KAT14: variants seen among roughly 807,000 people sequenced by gnomAD.
KAT14 encodes the protein cysteine-rich protein 2-binding protein.
In KAT14, 66 loss-of-function variants were observed where a neutral mutation model predicts 78.4. The observed-to-expected ratio is 0.84, with a 90% CI of 0.69 to 1.03. KAT14 has a LOEUF of 1.03. Ranked by LOEUF, KAT14 falls within the 50% of genes least tolerant of loss-of-function variation. KAT14 has a pLI of 0.00. For synonymous variants in KAT14, 344 were observed against 359.4 expected, an observed-to-expected ratio of 0.96 and a Z score of 0.48; for missense variants, 870 against 972.5, an observed-to-expected ratio of 0.89 and a Z score of 1.40.
rs186863964 is a variant in KAT14, at chr20:18,141,551, C to T, written c.-453-657C>T. ...AGTTTAGAGTGTTACTGTAGTAACT[C>T]GCCAAGTTTTTAAAGCATTACATAT... On this transcript the variant is annotated intron_variant, in intron 1 of 10. Transcript: ENST00000688188. Among the ~76,000 whole-genome samples the T allele has an allele frequency of 2.3e-3, 348 of 152,198 alleles. 3 individuals carry two copies. Among genetic ancestry groups the T allele is most frequent in the Non-Finnish European group, 2.4e-3 (164 of 68,012 alleles).
At chr20:18,184,113 A>T (rs960485867) in intron 9 of KAT14, among the ~76,000 whole-genome samples, 1 of 152,236 alleles carries the variant, frequency 6.6e-6, no homozygotes, top group Non-Finnish European at 1.5e-5. Flanking sequence ...GCACAGAAGC[A>T]TATTTTACTT....
intron 2 of KAT14, among the ~76,000 whole-genome samples, chr20:18,144,652 T>C (rs1343660007): frequency 6.6e-6 from 1 of 152,230 alleles, no homozygotes; most frequent in Non-Finnish European, 1.5e-5. Flanking sequence ...CCTGAGGGAC[T>C]AAGAAATGTA....
chr20:18,142,569 C>T lies in KAT14; in HGVS notation c.-92C>T, dbSNP rs1600214263. ...GCAGACACTTTTTGGAAGAGTCTGT[C>T]TGGGTGATCCTGGTAGAAGCCCCAT... is the stretch of plus-strand genomic sequence containing the variant. On this transcript the variant is annotated 5_prime_UTR_variant, in exon 2 of 11. Coordinates refer to ENST00000688188, the MANE Select transcript of KAT14 (RefSeq NM_001392073.1). 12 of 1,554,102 alleles carry T rather than the reference C, an allele frequency of 7.7e-6. No individual in the cohort carries two copies. Among genetic ancestry groups the T allele is most frequent in the East Asian group, 2.3e-5 (1 of 43,964 alleles).
intron 7 of KAT14, among the ~76,000 whole-genome samples, chr20:18,172,202 A>G (rs1254437329): frequency 6.6e-6 from 1 of 150,650 alleles, no homozygotes; most frequent in African/African-American, 2.5e-5. Flanking sequence ...CCTGGGTTCA[A>G]GCGATTCTTC....
At chr20:18,139,224 TA>T (rs1161547273) in intron 1 of KAT14, among the ~76,000 whole-genome samples, 2 of 152,208 alleles carry the variant, frequency 1.3e-5, no homozygotes, top group African/African-American at 2.4e-5. Flanking sequence ...GATTTGGGAT[TA>T]AAATGTGCTC....
Position 18,183,078 on chromosome 20 carries a change from G to A in KAT14, c.1806-45G>A. ...GTCAAAAAGCTAGGAATAATACCAG[G>A]TATTTTTCTTGACTTGAATTTGTTT... On this transcript the variant is annotated intron_variant, in intron 8 of 10. Coordinates refer to ENST00000688188, the MANE Select transcript of KAT14 (RefSeq NM_001392073.1). The A allele has an allele frequency of 1.9e-6, 3 of 1,567,166 alleles. No homozygotes were observed. In the South Asian group the frequency reaches 3.6e-5, roughly 19 times the overall value.
intron 4 of KAT14, among the ~76,000 whole-genome samples, chr20:18,151,626 C>T (rs1336536317): frequency 6.6e-6 from 1 of 152,016 alleles, no homozygotes; most frequent in Non-Finnish European, 1.5e-5. Flanking sequence ...CCGTTCCTTA[C>T]CTTGTTAGAG....
intron 1 of KAT14, chr20:18,138,493 T>G (rs2037389048): frequency 6.1e-6 from 6 of 982,324 alleles, no homozygotes; most frequent in Non-Finnish European, 7.3e-6. Context: ...CCAGCCTCCC[T>G]CCTGGCCCAA....
intron 2 of KAT14, 40 bp downstream of exon 2, chr20:18,142,959 T>C (rs139764811): frequency 1.9e-6 from 3 of 1,597,524 alleles, no homozygotes; most frequent in East Asian, 4.5e-5. Flanking sequence ...TCAATTCCTG[T>C]GTGAAGGTTT....
chr20:18,141,648 C>T (rs541007058), intron 1 of KAT14, among the ~76,000 whole-genome samples: 1 of 152,288 alleles, frequency 6.6e-6, no homozygotes, highest in Non-Finnish European at 1.5e-5. Context: ...CTTTGGGAGG[C>T]TGAGGCAGGT....
chr20:18,162,871 A>G lies in KAT14; in HGVS notation c.1594A>G (p.Ile532Val), dbSNP rs754856993. ...DGIYGAKEGG[I>V]SRLPAGQATY... ...GATTTATGGAGCCAAAGAAGGAGGA[A>G]TTTCCAGACTTCCAGCTGGACAAGC... Residue 532 changes from isoleucine (I) to valine (V), a missense_variant, in exon 7 of 11, where the codon ATT (isoleucine) becomes GTT (valine). Physicochemically the swap from Ile to Val is conservative, Grantham distance 29. Coordinates refer to ENST00000688188, the MANE Select transcript of KAT14 (RefSeq NM_001392073.1). The G allele has an allele frequency of 3.1e-6, 5 of 1,614,164 alleles. No individual in the cohort carries two copies. Among genetic ancestry groups the G allele is most frequent in the Non-Finnish European group, 4.2e-6 (5 of 1,180,022 alleles).
intron 3 of KAT14, among the ~76,000 whole-genome samples, chr20:18,145,736 G>A (rs1466010391): frequency 6.6e-6 from 1 of 151,650 alleles, no homozygotes; most frequent in Admixed American, 6.6e-5. Flanking sequence ...AGCCCACACC[G>A]TGCCACTGTA....
intron 3 of KAT14, among the ~76,000 whole-genome samples, chr20:18,148,846 G>A (rs1347638797): frequency 6.6e-6 from 1 of 151,860 alleles, no homozygotes; most frequent in Non-Finnish European, 1.5e-5. Flanking sequence ...CTGACCTCAC[G>A]TGATTCACCC....
At chr20:18,153,487 T>A (rs2038119595) in intron 4 of KAT14, among the ~76,000 whole-genome samples, 1 of 152,234 alleles carries the variant, frequency 6.6e-6, no homozygotes, top group African/African-American at 2.4e-5. Context: ...TTGGAATGTT[T>A]TCATGATCTT....
chr20:18,162,453 T>C lies in KAT14; in HGVS notation c.1176T>C (p.Ala392=). Residue 392 remains alanine (A), a synonymous_variant, in exon 7 of 11, where the codon GCT becomes GCC. Transcript: ENST00000688188. The part of the protein sequence containing the change: ...EYVPPPAGSV[A]SGPVVGVRKK... Reference sequence around the variant, plus strand: ...TCCCACCCCCTGCTGGGTCAGTAGCTTCTGGGCCAGTGGTTGGGGTCAGAA... The same window carrying C: ...TCCCACCCCCTGCTGGGTCAGTAGCCTCTGGGCCAGTGGTTGGGGTCAGAA... 6.2e-7 allele frequency: 1 copy of C among 1,614,134 alleles called. No homozygotes were observed. Among genetic ancestry groups the C allele is most frequent in the South Asian group, 1.1e-5 (1 of 91,084 alleles).
chr20:18,145,329 G>A lies in KAT14; in HGVS notation c.356G>A (p.Arg119Lys). 6.2e-7 allele frequency: 1 copy of A among 1,614,212 alleles called. No individual in the cohort carries two copies. The highest frequency in any genetic ancestry group is 1.1e-5 in the South Asian group (1 of 91,080). ...GCAGATGGCAAGGAGCAGTATGAAAGGCTGAAGCTGACATGGCAGCAAGTG... is the reference window on the plus strand; with the variant it reads ...GCAGATGGCAAGGAGCAGTATGAAAAGCTGAAGCTGACATGGCAGCAAGTG... ...CSADGKEQYE[R>K]LKLTWQQVVM... The change falls in exon 3 of 11, where the codon AGG (arginine) becomes AAG (lysine). Residue 119 changes from arginine (R) to lysine (K), a missense_variant. By Grantham distance (26) the Arg-to-Lys change is conservative. Transcript: ENST00000688188.
At chr20:18,156,663 GGA>G (rs567983347) in intron 4 of KAT14, among the ~76,000 whole-genome samples, 346 of 152,252 alleles carry the variant, frequency 2.3e-3, no homozygotes, top group South Asian at 4.2e-3. Context: ...AGGCTGTGAG[GGA>G]GAGAGTATTT....
chr20:18,159,152 G>A lies in KAT14; in HGVS notation c.569G>A (p.Arg190His), dbSNP rs754597088. Residue 190 changes from arginine (R) to histidine (H), a missense_variant, in exon 5 of 11, where the codon CGT becomes CAT. Transcript: ENST00000688188. ...CLSVGSPMYF[R>H]SGAQEFGEPG... ...AGCGTGGGAAGTCCCATGTACTTCC[G>A]TTCAGGTGCTCAGGAATTTGGAGAG... 13 of 1,613,978 alleles carry A rather than the reference G, an allele frequency of 8.1e-6. No homozygotes were observed. In the East Asian group the frequency reaches 1.1e-4, roughly 14 times the overall value.
chr20:18,181,478 C>T (rs1379570653), intron 7 of KAT14, among the ~76,000 whole-genome samples: 1 of 150,852 alleles, frequency 6.6e-6, no homozygotes, highest in African/African-American at 2.4e-5. Context: ...ACGCCATTCT[C>T]CTGCCTCAGC....
Sources: gnomAD v4.1 joint callset for allele counts (sites outside exome capture counted in the v4.1 genomes callset) on GRCh38, gnomAD v4.1.1 for gene constraint, MANE v1.5 for transcripts, NCBI Gene and HGNC (gene_info 2026-07-23, HGNC 2026-07-21) for gene names.